The following KCNK12 variants were observed in gnomAD, a reference collection of about 807,000 sequenced individuals.
The protein encoded by KCNK12 is potassium two pore domain channel subfamily K member 12.
A neutral mutation model predicts 25.3 loss-of-function variants in KCNK12; 6 were observed. That is an observed-to-expected ratio of 0.24 (90% confidence interval 0.13 to 0.47). The LOEUF (loss-of-function observed/expected upper bound fraction) is 0.47, where lower values mean the gene tolerates loss of function less well. KCNK12 is among the 20% of genes least tolerant of loss of function. KCNK12 has a pLI of 0.99. For missense variants in KCNK12, 444 were observed against 661.7 expected (o/e 0.67, Z 3.61); for synonymous variants, 331 against 311.1 (o/e 1.06, Z -0.67).
chr2:47,532,614 AC>A (rs1220025360), intron 1 of KCNK12, among the ~76,000 whole-genome samples: 1 of 152,178 alleles, frequency 6.6e-6, no homozygotes, highest in Admixed American at 6.5e-5. Context: ...CGTGCCAAGA[AC>A]CTGGACAACT....
intron 1 of KCNK12, among the ~76,000 whole-genome samples, chr2:47,534,519 C>CCA (rs1553378766): frequency 8.3e-6 from 1 of 120,290 alleles, no homozygotes; most frequent in Non-Finnish European, 1.8e-5. Context: ...CTTCTAACCC[C>CCA]CCCCCCCGCC....
intron 1 of KCNK12, among the ~76,000 whole-genome samples, chr2:47,545,127 G>A (rs1435311410): frequency 6.6e-6 from 1 of 152,192 alleles, no homozygotes; most frequent in Non-Finnish European, 1.5e-5. Flanking sequence ...GAGATGGCAA[G>A]GTGCTAGGAG....
At chr2:47,564,497 A>T (rs1455068549) in intron 1 of KCNK12, 2 of 218,016 alleles carry the variant, frequency 9.2e-6, no homozygotes, top group East Asian at 1.4e-4. Context: ...ATGGAATATT[A>T]TGCACCCACT....
rs117337021 is a variant in KCNK12, at chr2:47,510,593, G to A, written c.*10314C>T. Among the ~76,000 whole-genome samples, 65 of 152,264 alleles carry A rather than the reference G, an allele frequency of 4.3e-4. No individual in the cohort carries two copies. In the East Asian group the frequency reaches 8.3e-3, roughly 19 times the overall value. On this transcript the variant is annotated 3_prime_UTR_variant, in exon 2 of 2. Transcript: ENST00000327876. ...CAACACCCCTACACTCTCACCGCAC[G>A]TATTTGGTCAGCTATGAATATGACC...
In KCNK12 at chr2:47,569,972, G is replaced by A. The variant is rs1669855156; in HGVS notation, c.360C>T (p.Phe120=). Residue 120 remains phenylalanine (F), a synonymous_variant, in exon 1 of 2, where the codon TTC becomes TTT. Transcript: ENST00000327876. This position sits in a 1 kb window ranked among gnomAD's most constrained non-coding sequence, Gnocchi z 4.1. ...TTGACACCACGGTGCCCACGAAGTAGAAGGCGCCGGGGAAGTCCCAGCGCG... is the reference window on the plus strand; with the variant it reads ...TTGACACCACGGTGCCCACGAAGTAAAAGGCGCCGGGGAAGTCCCAGCGCG... ...LRPRWDFPGA[F]YFVGTVVSTI... The A allele has an allele frequency of 2.1e-6, 3 of 1,435,098 alleles. No individual in the cohort carries two copies. The highest frequency in any genetic ancestry group is 2.9e-5 in the South Asian group (2 of 68,884). 88.9% of individuals were successfully genotyped at this position (1,435,098 alleles called of 1,614,324 possible).
chr2:47,512,547 G>C lies in KCNK12; in HGVS notation c.*8360C>G, dbSNP rs1668429373. On this transcript the variant is annotated 3_prime_UTR_variant, in exon 2 of 2. Coordinates refer to ENST00000327876, the MANE Select transcript of KCNK12 (RefSeq NM_022055.2). The stretch of plus-strand genomic sequence containing the variant: ...GAAGCTCTCAAAAATGGACCAGAAA[G>C]GGGTCAGGAATATAACTTTCTCTGC... 1 of 1,218,574 alleles carries C rather than the reference G, an allele frequency of 8.2e-7. No homozygotes were observed. Among genetic ancestry groups the C allele is most frequent in the East Asian group, 2.6e-5 (1 of 39,156 alleles). 75.5% of individuals were successfully genotyped at this position (1,218,574 alleles called of 1,614,324 possible). A position where few individuals can be genotyped will look rare whatever the true frequency, so the allele number is the denominator to read the frequency against.
In KCNK12 at chr2:47,556,113, G is replaced by A. The variant is rs1669545658; in HGVS notation, c.391+13828C>T. On this transcript the variant is annotated intron_variant, in intron 1 of 1. Coordinates refer to ENST00000327876, the MANE Select transcript of KCNK12 (RefSeq NM_022055.2). The surrounding 1 kb of genome is among the most constrained non-coding windows in gnomAD (Gnocchi z 4.8). The stretch of plus-strand genomic sequence containing the variant: ...TCTCAGAAGCTTTCCTGTAAAGGAG[G>A]GCAGAGAAATGGGAAAGTAGCAGGA... Among the ~76,000 whole-genome samples the A allele has an allele frequency of 1.3e-5, 2 of 152,206 alleles. No homozygotes were observed. The highest frequency in any genetic ancestry group is 4.1e-4 in the South Asian group (2 of 4,830).
rs1237074714 is a variant in KCNK12, at chr2:47,566,475, G to A, written c.391+3466C>T. On this transcript the variant is annotated intron_variant, in intron 1 of 1. Transcript: ENST00000327876. This position sits in a 1 kb window ranked among gnomAD's most constrained non-coding sequence, Gnocchi z 4.1. Reference sequence around the variant, plus strand: ...ACACTGGTGCAAAAAAGGGCAGAAAGCAAGTGACTTCTGTCCTTAGACCAC... The same window carrying A: ...ACACTGGTGCAAAAAAGGGCAGAAAACAAGTGACTTCTGTCCTTAGACCAC... 1 of 151,898 alleles carries A rather than the reference G, an allele frequency of 6.6e-6. No homozygotes were observed. The highest frequency in any genetic ancestry group is 1.5e-5 in the Non-Finnish European group (1 of 67,998). The allele number at this position is 151,898 out of a possible 1,614,324, so 9.4% of individuals were successfully genotyped here.
rs532358789 is a variant in KCNK12 at position 47,538,832 on chromosome 2, T to A, written c.392-17024A>T. Among the ~76,000 whole-genome samples the A allele has an allele frequency of 5.9e-5, 9 of 152,244 alleles. No homozygotes were observed. The South Asian group carries it at 1.5e-3, about 25-fold the overall frequency. On this transcript the variant is annotated intron_variant, in intron 1 of 1. Coordinates refer to ENST00000327876, the MANE Select transcript of KCNK12 (RefSeq NM_022055.2). The surrounding 1 kb of genome is among the most constrained non-coding windows in gnomAD (Gnocchi z 4.5). ...GGGCAAAGTTTAGGTGATATAAATGTCCCTGAAATGAGAAAAACCATGACT... is the reference window on the plus strand; with the variant it reads ...GGGCAAAGTTTAGGTGATATAAATGACCCTGAAATGAGAAAAACCATGACT...
chr2:47,563,626 G>C (rs1244812199), intron 1 of KCNK12: 4 of 232,966 alleles, frequency 1.7e-5, no homozygotes, highest in Admixed American at 5.6e-5. Context: ...AGACTTCAGG[G>C]AGCGGGCGGC....
chr2:47,521,182 G>A lies in KCNK12; in HGVS notation c.1018C>T (p.Arg340Trp). 1 of 1,321,118 alleles carries A rather than the reference G, an allele frequency of 7.6e-7. No homozygotes were observed. Among genetic ancestry groups the A allele is most frequent in the African/African-American group, 1.5e-5 (1 of 64,686 alleles). The allele number at this position is 1,321,118 out of a possible 1,614,324, so 81.8% of individuals were successfully genotyped here. Reference sequence around the variant, plus strand: ...AGCGCGGCCAGGCGGCGGCGCAGCCGGGAGCCTGGGGTGATGGCATTGCGC... The same window carrying A: ...AGCGCGGCCAGGCGGCGGCGCAGCCAGGAGCCTGGGGTGATGGCATTGCGC... ...ARRNAITPGS[R>W]LRRRLAALGA... Residue 340 changes from arginine (R) to tryptophan (W), a missense_variant, in exon 2 of 2, where the codon CGG (arginine) becomes TGG (tryptophan). By Grantham distance (101) the Arg-to-Trp change is moderately radical (BLOSUM62 -3). Coordinates refer to ENST00000327876, the MANE Select transcript of KCNK12 (RefSeq NM_022055.2).
chr2:47,561,690 TTAAAG>T (rs1422050189), intron 1 of KCNK12, among the ~76,000 whole-genome samples: 2 of 152,196 alleles, frequency 1.3e-5, no homozygotes, highest in South Asian at 2.1e-4. Flanking sequence ...CCTTCAGTCT[TTAAAG>T]TAACCCCATG....
chr2:47,544,202 T>C (rs1024873831), intron 1 of KCNK12, among the ~76,000 whole-genome samples: 1 of 152,132 alleles, frequency 6.6e-6, no homozygotes, highest in East Asian at 1.9e-4. Flanking sequence ...TGTGCCCCCA[T>C]TCCCCATCAG....
At chr2:47,563,075 G>A (rs1193149623) in intron 1 of KCNK12, 4 of 233,214 alleles carry the variant, frequency 1.7e-5, no homozygotes, top group Non-Finnish European at 3.4e-5. Context: ...ATCTGAGGCA[G>A]CCAAACAAGG....
At chr2:47,534,234 C>G (rs1009959170) in intron 1 of KCNK12, among the ~76,000 whole-genome samples, 4 of 151,958 alleles carry the variant, frequency 2.6e-5, no homozygotes, top group African/African-American at 7.3e-5. Context: ...TCAACCACCC[C>G]CCACTCTGTG....
rs1241931598 is a variant in KCNK12 at position 47,540,091 on chromosome 2, T to C, written c.392-18283A>G. Among the ~76,000 whole-genome samples, 1 of 152,160 alleles carries C rather than the reference T, an allele frequency of 6.6e-6. No individual in the cohort carries two copies. Among genetic ancestry groups the C allele is most frequent in the Non-Finnish European group, 1.5e-5 (1 of 68,034 alleles). The stretch of plus-strand genomic sequence containing the variant: ...CAGAGGGGAGGGGACAGCTGGCGGA[T>C]TTAGCAGAGTACGTGGCACAGAGGA... On this transcript the variant is annotated intron_variant, in intron 1 of 1. Coordinates refer to ENST00000327876, the MANE Select transcript of KCNK12 (RefSeq NM_022055.2). This position sits in a 1 kb window ranked among gnomAD's most constrained non-coding sequence, Gnocchi z 5.4.
At chr2:47,568,251 T>C (rs1669821474) in intron 1 of KCNK12, among the ~76,000 whole-genome samples, 1 of 151,780 alleles carries the variant, frequency 6.6e-6, no homozygotes, top group Admixed American at 6.6e-5. Flanking sequence ...CAATGAGCTA[T>C]GGATGCATGA....
chr2:47,563,463 G>T (rs984224515), intron 1 of KCNK12: 1 of 233,170 alleles, frequency 4.3e-6, no homozygotes. Context: ...TTCTAGGGAG[G>T]ATGAGAGCGC....
At chr2:47,534,521 C>CA (rs1558553092) in intron 1 of KCNK12, among the ~76,000 whole-genome samples, 2 of 124,086 alleles carry the variant, frequency 1.6e-5, no homozygotes, top group African/African-American at 3.0e-5. Flanking sequence ...TCTAACCCCC[C>CA]CCCCCGCCCC....
Sources: allele counts gnomAD v4.1 joint callset (sites outside exome capture counted in the v4.1 genomes callset), GRCh38; gene constraint gnomAD v4.1.1; non-coding constraint Gnocchi (gnomAD v3.1); transcripts MANE v1.5; gene names NCBI Gene and HGNC (gene_info 2026-07-23, HGNC 2026-07-21).